TUT1: variants seen among roughly 807,000 people sequenced by gnomAD.
TUT1 encodes speckle targeted PIP5K1A-regulated poly(A) polymerase.
A neutral mutation model predicts 48.8 loss-of-function variants in TUT1; 26 were observed. The observed-to-expected ratio is 0.53, with a 90% CI of 0.39 to 0.74. The LOEUF is 0.74. Among genes scored for constraint, TUT1 ranks in the 30% least tolerant of loss-of-function variants. TUT1 has a pLI of 0.00. For synonymous variants in TUT1, 470 were observed against 460.8 expected, an observed-to-expected ratio of 1.02 and a Z score of -0.26; for missense variants, 1,065 against 1,114.8, an observed-to-expected ratio of 0.96 and a Z score of 0.64.
In TUT1 at chr11:62,587,369, C is replaced by T. The variant is rs187945062; in HGVS notation, c.273+1662G>A. Among the ~76,000 whole-genome samples, 532 of 151,902 alleles carry T rather than the reference C, an allele frequency of 3.5e-3. 1 individual carries two copies. The highest frequency in any genetic ancestry group is 6.3e-3 in the Non-Finnish European group (429 of 67,940). On this transcript the variant is annotated intron_variant, in intron 2 of 8. Coordinates refer to ENST00000476907, the MANE Select transcript of TUT1 (RefSeq NM_022830.3). ...GCTAATTTTGTATTTTTAGTAGAGACGGGGTTTCTCCATGTTGGTCAGGCT... is the reference window on the plus strand; with the variant it reads ...GCTAATTTTGTATTTTTAGTAGAGATGGGGTTTCTCCATGTTGGTCAGGCT...
At chr11:62,586,840 G>A (rs974793382) in intron 2 of TUT1, among the ~76,000 whole-genome samples, 2 of 150,722 alleles carry the variant, frequency 1.3e-5, no homozygotes, top group Admixed American at 1.3e-4. Context: ...TGCTTGCTGG[G>A]ATTACAGGCG....
intron 4 of TUT1, among the ~76,000 whole-genome samples, chr11:62,580,626 G>A (rs1381782195): frequency 2.1e-5 from 2 of 93,220 alleles, no homozygotes; most frequent in Admixed American, 1.4e-4. Context: ...TTTTTTTTGA[G>A]GAGTCTCCCT....
rs1004636332 is a variant in TUT1 at position 62,576,735 on chromosome 11, C to T, written c.1396G>A (p.Val466Met). The T allele has an allele frequency of 6.2e-7, 1 of 1,614,194 alleles. No homozygotes were observed. The highest frequency in any genetic ancestry group is 8.5e-7 in the Non-Finnish European group (1 of 1,180,036). Residue 466 changes from valine (V) to methionine (M), a missense_variant, in exon 8 of 9, where the codon GTG (valine) becomes ATG (methionine). Transcript: ENST00000476907. ...CTGCAGTCCCAGCCATCGACTTCCA[C>T]CTGTTCCCCCTCTCCTGTGAAAGTA... ...LTQKAGEGEQ[V>M]EVDGWDCSFP...
rs761970667 is a variant in TUT1 at position 62,577,183 on chromosome 11, T to C, written c.1269A>G (p.Ser423=). Reference sequence around the variant, plus strand: ...AAGTCTGTCCTGATCCATTCTCACCTGACAGCCCCCGACCCTGAGCCCAGC... The same window carrying C: ...AAGTCTGTCCTGATCCATTCTCACCCGACAGCCCCCGACCCTGAGCCCAGC... The part of the protein sequence containing the change: ...LRCWAQGRGL[S]GSGPLLSNYA... Residue 423 remains serine, a splice_region_variant and synonymous_variant, in exon 6 of 9, where the codon TCA becomes TCG. Coordinates refer to ENST00000476907, the MANE Select transcript of TUT1 (RefSeq NM_022830.3). 8 of 1,608,162 alleles carry C rather than the reference T, an allele frequency of 5.0e-6. No homozygotes were observed. Among genetic ancestry groups the C allele is most frequent in the African/African-American group, 2.7e-5 (2 of 74,446 alleles).
intron 1 of TUT1, 61 bp downstream of exon 1, chr11:62,591,343 G>T (rs1262812421): frequency 1.3e-6 from 2 of 1,489,766 alleles, no homozygotes; most frequent in Non-Finnish European, 1.8e-6. Context: ...CCTAACTTTC[G>T]CCAGGATCAA....
rs1941818921 is a variant in TUT1, at chr11:62,581,193, G to A, written c.603C>T (p.His201=). ...AGCTATTTATGGAAGAGCCAAAAGG[G>A]TGGACCACACAGCCTGGGTGCCGAG... ...FTEFFPGCVV[H]PFGSSINSFD... Residue 201 remains histidine, a synonymous_variant, in exon 4 of 9, where the codon CAC becomes CAT. Transcript: ENST00000476907. The A allele has an allele frequency of 6.2e-7, 1 of 1,614,022 alleles. No individual in the cohort carries two copies. The highest frequency in any genetic ancestry group is 8.5e-7 in the Non-Finnish European group (1 of 1,180,032).
chr11:62,586,592 A>C (rs777359323), intron 2 of TUT1, among the ~76,000 whole-genome samples: 1 of 152,174 alleles, frequency 6.6e-6, no homozygotes, highest in African/African-American at 2.4e-5. Context: ...CAGCATGGCC[A>C]ACATGGAGAA....
Position 62,581,713 on chromosome 11 carries a change from CAG to C in TUT1, c.274-14_274-13del, listed in dbSNP as rs778372063. 7.0e-6 allele frequency: 10 copies of C among 1,431,544 alleles called. No homozygotes were observed. In the African/African-American group the frequency reaches 1.0e-4, roughly 15 times the overall value. The allele number at this position is 1,431,544 out of a possible 1,614,324, so 88.7% of individuals were successfully genotyped here. Reference sequence around the variant, plus strand: ...ATGGCAAACACTCCCTGGTAAACAACAGGGGCAGAGATGATGATTTTGGAACC... The same window carrying C: ...ATGGCAAACACTCCCTGGTAAACAACGGGCAGAGATGATGATTTTGGAACC... On this transcript the variant is annotated splice_polypyrimidine_tract_variant and intron_variant, in intron 2 of 8. Transcript: ENST00000476907.
chr11:62,575,529 G>A lies in TUT1; in HGVS notation c.2190C>T (p.Pro730=), dbSNP rs778057507. 2.7e-5 allele frequency: 43 copies of A among 1,613,682 alleles called. No individual in the cohort carries two copies. The highest frequency in any genetic ancestry group is 3.5e-5 in the Non-Finnish European group (41 of 1,180,032). The stretch of plus-strand genomic sequence containing the variant: ...CCCGCTCTGCCAGGGCTGCGTGGCT[G>A]GGCTGCCCCTCTTCTCCAGGGGCTC... ...KHGAPGEEGQ[P]SHAALAERGP... Residue 730 remains proline (P), a synonymous_variant, in exon 9 of 9, where the codon CCC becomes CCT. Transcript: ENST00000476907.
Position 62,576,689 on chromosome 11 carries a change from CTT to C in TUT1, c.1440_1441del (p.Arg481ThrfsTer48). 6.2e-7 allele frequency: 1 copy of C among 1,614,222 alleles called. No individual in the cohort carries two copies. The highest frequency in any genetic ancestry group is 8.5e-7 in the Non-Finnish European group (1 of 1,180,038). On this transcript the variant is annotated frameshift_variant, in exon 8 of 9. Coordinates refer to ENST00000476907, the MANE Select transcript of TUT1 (RefSeq NM_022830.3). LOFTEE classifies it low-confidence loss of function (END_TRUNC). ...CTCCACATTTATGCTGGGCTCCAGT[CTT>C]GAGGCATCCCTGGGGAAACTGCAGT... is the stretch of plus-strand genomic sequence containing the variant.
At chr11:62,590,070 A>G (rs1241800931) in intron 1 of TUT1, among the ~76,000 whole-genome samples, 3 of 152,240 alleles carry the variant, frequency 2.0e-5, no homozygotes, top group African/African-American at 7.2e-5. Context: ...ATGTCACCAA[A>G]GTAAATGTGG....
At chr11:62,590,546 A>C (rs544019494) in intron 1 of TUT1, among the ~76,000 whole-genome samples, 229 of 152,054 alleles carry the variant, frequency 1.5e-3, no homozygotes, top group Middle Eastern at 3.4e-3. Flanking sequence ...CTGAGGCAGG[A>C]GAATGGGGTG....
Position 62,575,806 on chromosome 11 carries a change from G to T in TUT1, c.1913C>A (p.Ala638Glu), listed in dbSNP as rs755356657. 22 of 1,614,030 alleles carry T rather than the reference G, an allele frequency of 1.4e-5. No individual in the cohort carries two copies. The highest frequency in any genetic ancestry group is 1.9e-5 in the Non-Finnish European group (22 of 1,180,046). Residue 638 changes from alanine to glutamate, a missense_variant, in exon 9 of 9, where the codon GCA (alanine) becomes GAA (glutamate). Coordinates refer to ENST00000476907, the MANE Select transcript of TUT1 (RefSeq NM_022830.3). Reference sequence around the variant, plus strand: ...TCCTTCTGACCGCGTTCTCTTGGTTGCCTGTTCTATATGGCACCCCAGTGC... The same window carrying T: ...TCCTTCTGACCGCGTTCTCTTGGTTTCCTGTTCTATATGGCACCCCAGTGC... ...REALGCHIEQ[A>E]TKRTRSEGGG...
rs199785585 is a variant in TUT1 at position 62,576,155 on chromosome 11, C to T, written c.1564G>A (p.Val522Met). The change falls in exon 9 of 9, where the codon GTG becomes ATG. Residue 522 changes from valine to methionine, a missense_variant. By Grantham distance (21) the Val-to-Met change is conservative. Coordinates refer to ENST00000476907, the MANE Select transcript of TUT1 (RefSeq NM_022830.3). ...LSLREGQALPVAGGLPSNLWE... is the reference protein window; with the variant it reads ...LSLREGQALPMAGGLPSNLWE... Reference sequence around the variant, plus strand: ...AGATTAGAAGGCAGGCCCCCTGCCACAGGCAGTGCCTGACCCTCCCGCAGG... The same window carrying T: ...AGATTAGAAGGCAGGCCCCCTGCCATAGGCAGTGCCTGACCCTCCCGCAGG... 2.3e-4 allele frequency: 379 copies of T among 1,613,946 alleles called. No homozygotes were observed. The highest frequency in any genetic ancestry group is 2.5e-4 in the East Asian group (11 of 44,884).
chr11:62,588,069 T>C (rs569153459), intron 2 of TUT1, among the ~76,000 whole-genome samples: 1 of 152,346 alleles, frequency 6.6e-6, no homozygotes, highest in Non-Finnish European at 1.5e-5. Context: ...TTGTTTACTT[T>C]CTCCTCTAGA....
rs1056984373 is a variant in TUT1, at chr11:62,577,464, G to A, written c.1161-173C>T. On this transcript the variant is annotated intron_variant, in intron 5 of 8. Transcript: ENST00000476907. ...AGTGTGCGAAAGGACAAAGGAGTTC[G>A]GGAAACACTTCATCCTGTACGCCCA... is the stretch of plus-strand genomic sequence containing the variant. 39 of 606,044 alleles carry A rather than the reference G, an allele frequency of 6.4e-5. No individual in the cohort carries two copies. In the Admixed American group the frequency reaches 1.1e-3, roughly 17 times the overall value. 37.5% of individuals were successfully genotyped at this position (606,044 alleles called of 1,614,324 possible).
Position 62,575,184 on chromosome 11 carries a change from C to T in TUT1, c.2535G>A (p.Val845=). ...GGCCTTGGGGATCCTGGAGCGGGGT[C>T]ACAGTGAGCATTCGGTCAGCCGGGG... ...SVSPADRMLT[V]TPLQDPQGLF... Residue 845 remains valine, a synonymous_variant, in exon 9 of 9, where the codon GTG becomes GTA. Coordinates refer to ENST00000476907, the MANE Select transcript of TUT1 (RefSeq NM_022830.3). The T allele has an allele frequency of 6.2e-7, 1 of 1,611,364 alleles. No individual in the cohort carries two copies. Among genetic ancestry groups the T allele is most frequent in the African/African-American group, 1.3e-5 (1 of 74,988 alleles).
In TUT1 at chr11:62,578,617, C is replaced by G; in HGVS notation, c.1104G>C (p.Val368=). 1.1e-5 allele frequency: 17 copies of G among 1,613,782 alleles called. No individual in the cohort carries two copies. Among genetic ancestry groups the G allele is most frequent in the African/African-American group, 1.3e-5 (1 of 75,026 alleles). Residue 368 remains valine (V), a synonymous_variant, in exon 5 of 9, where the codon GTG becomes GTC. Transcript: ENST00000476907. ...CTGAAGGCCGATGACAGAACTTGAC[C>G]ACAGGGCGCCGGGCAGAGGGCACAG... The part of the protein sequence containing the change: ...VQTVPSARRP[V]VKFCHRPSGL...
In TUT1 at chr11:62,578,591, C is replaced by A; in HGVS notation, c.1130G>T (p.Gly377Val). 6.2e-7 allele frequency: 1 copy of A among 1,611,874 alleles called. No homozygotes were observed. The highest frequency in any genetic ancestry group is 8.5e-7 in the Non-Finnish European group (1 of 1,178,868). The part of the protein sequence containing the change: ...PVVKFCHRPS[G>V]LHGDVSLSNR... ...ACTGAGGGAGACATCACCGTGGAGA[C>A]CTGAAGGCCGATGACAGAACTTGAC... is the stretch of plus-strand genomic sequence containing the variant. Residue 377 changes from glycine to valine, a missense_variant, in exon 5 of 9, where the codon GGT (glycine) becomes GTT (valine). Physicochemically the swap from Gly to Val is moderately radical, Grantham distance 109 (BLOSUM62 -3). Coordinates refer to ENST00000476907, the MANE Select transcript of TUT1 (RefSeq NM_022830.3).
Sources: allele counts gnomAD v4.1 joint callset (sites outside exome capture counted in the v4.1 genomes callset), GRCh38; gene constraint gnomAD v4.1.1; transcripts MANE v1.5; gene names NCBI Gene and HGNC (gene_info 2026-07-23, HGNC 2026-07-21).